EFCAB12: variants seen among roughly 807,000 people sequenced by gnomAD.
EFCAB12 encodes EF-hand calcium-binding domain-containing protein 12.
Under a neutral mutation model 53.6 loss-of-function variants are expected in EFCAB12, and 43 were observed. The ratio of observed to expected loss-of-function variants is 0.80; its 90% CI spans 0.63 to 1.03. The LOEUF (loss-of-function observed/expected upper bound fraction) is 1.03. EFCAB12 is among the 50% of genes least tolerant of loss of function. EFCAB12 has a pLI of 0.00. For missense variants in EFCAB12, 646 were observed against 730.6 expected, an observed-to-expected ratio of 0.88 and a Z score of 1.34; for synonymous variants, 269 against 289.2, an observed-to-expected ratio of 0.93 and a Z score of 0.71.
At chr3:129,417,287 C>T (rs1212232391) in intron 3 of EFCAB12, among the ~76,000 whole-genome samples, 55 of 143,162 alleles carry the variant, frequency 3.8e-4, no homozygotes, top group Middle Eastern at 3.6e-3. Context: ...ATCGCACCAC[C>T]GCACTCCAGC....
chr3:129,405,583 A>G (rs2071938527), intron 6 of EFCAB12, among the ~76,000 whole-genome samples: 1 of 152,238 alleles, frequency 6.6e-6, no homozygotes, highest in Non-Finnish European at 1.5e-5. Flanking sequence ...AATTCAAATG[A>G]GCAAGTATTA....
chr3:129,428,505 G>A lies in EFCAB12; in HGVS notation c.-17C>T, dbSNP rs755176789. The A allele has an allele frequency of 1.2e-6, 2 of 1,610,348 alleles. No homozygotes were observed. The highest frequency in any genetic ancestry group is 3.4e-5 in the Admixed American group (2 of 59,488). On this transcript the variant is annotated 5_prime_UTR_variant, in exon 1 of 9. Transcript: ENST00000505956. ...GTCGTCCATGGTCGTGGTGCTGGGA[G>A]GGGGTGCTGAAGGGCGTGTGTGAAT... is the stretch of plus-strand genomic sequence containing the variant.
At chr3:129,416,404 C>T (rs559348008) in intron 3 of EFCAB12, among the ~76,000 whole-genome samples, 44 of 150,624 alleles carry the variant, frequency 2.9e-4, no homozygotes, top group Non-Finnish European at 5.3e-4. Context: ...GTGACAAGAA[C>T]GAAGCTCCGT....
At chr3:129,406,816 T>TG (rs200032565) in intron 6 of EFCAB12, among the ~76,000 whole-genome samples, 13 of 149,902 alleles carry the variant, frequency 8.7e-5, no homozygotes, top group African/African-American at 3.2e-4. Context: ...ATGTGACCGT[T>TG]GGAGGGGGGA....
At chr3:129,427,645 G>A (rs572622160) in intron 1 of EFCAB12, among the ~76,000 whole-genome samples, 2 of 152,232 alleles carry the variant, frequency 1.3e-5, no homozygotes, top group East Asian at 1.9e-4. Context: ...CTGGAGAAGC[G>A]GCATGGAGAA....
In EFCAB12 at chr3:129,415,298, T is replaced by C. The variant is rs773183654; in HGVS notation, c.785A>G (p.Tyr262Cys). 14 of 1,612,984 alleles carry C rather than the reference T, an allele frequency of 8.7e-6. No homozygotes were observed. Among genetic ancestry groups the C allele is most frequent in the East Asian group, 4.5e-5 (2 of 44,860 alleles). Reference protein sequence around the residue: ...TITMDILANTYKQWSMAQQRS... With the variant: ...TITMDILANTCKQWSMAQQRS... ...TTGCTGAGCCATAGACCACTGCTTGTAGGTATTGGCCAGGATATCCATGGT... is the reference window on the plus strand; with the variant it reads ...TTGCTGAGCCATAGACCACTGCTTGCAGGTATTGGCCAGGATATCCATGGT... Residue 262 changes from tyrosine (Y) to cysteine (C), a missense_variant, in exon 4 of 9, where the codon TAC (tyrosine) becomes TGC (cysteine). Transcript: ENST00000505956.
intron 3 of EFCAB12, among the ~76,000 whole-genome samples, chr3:129,417,093 G>A (rs371953729): frequency 6.6e-6 from 1 of 152,108 alleles, no homozygotes; most frequent in African/African-American, 2.4e-5. Context: ...TTGGGAGGCT[G>A]AGGCAGGTGG....
chr3:129,428,416 C>A (rs2072296400), intron 1 of EFCAB12, 24 bp downstream of exon 1: 1 of 1,597,446 alleles, frequency 6.3e-7, no homozygotes, highest in Non-Finnish European at 8.5e-7. Context: ...GCGCTCCCTG[C>A]AGACGCTTCT....
At chr3:129,426,959 T>C (rs2107744434) in intron 1 of EFCAB12, among the ~76,000 whole-genome samples, 1 of 149,978 alleles carries the variant, frequency 6.7e-6, no homozygotes, top group African/African-American at 2.5e-5. Flanking sequence ...GCCATTCTCC[T>C]GCCTCAGCCT....
intron 3 of EFCAB12, among the ~76,000 whole-genome samples, chr3:129,416,668 A>G (rs1277060050): frequency 1.3e-5 from 2 of 152,148 alleles, no homozygotes; most frequent in African/African-American, 4.8e-5. Flanking sequence ...GGTTTCTTTT[A>G]AGTTGAGATC....
At chr3:129,402,270 C>T (rs2071882854) in intron 8 of EFCAB12, among the ~76,000 whole-genome samples, 1 of 152,204 alleles carries the variant, frequency 6.6e-6, no homozygotes, top group Non-Finnish European at 1.5e-5. Flanking sequence ...CTGTCTGTGC[C>T]TCAGTTTCCT....
At chr3:129,422,616 A>G (rs1479411895) in intron 1 of EFCAB12, among the ~76,000 whole-genome samples, 1 of 152,090 alleles carries the variant, frequency 6.6e-6, no homozygotes, top group Non-Finnish European at 1.5e-5. Context: ...TCCAGGTCCC[A>G]TCTTTGCATC....
intron 6 of EFCAB12, among the ~76,000 whole-genome samples, chr3:129,405,126 G>A (rs1313506219): frequency 6.6e-6 from 1 of 152,156 alleles, no homozygotes; most frequent in Non-Finnish European, 1.5e-5. Context: ...ACTTGGATTT[G>A]TTTGGTGGCA....
intron 1 of EFCAB12, 52 bp downstream of exon 1, chr3:129,428,388 G>T: frequency 6.4e-7 from 1 of 1,567,018 alleles, no homozygotes; most frequent in Non-Finnish European, 8.7e-7. Flanking sequence ...CCACTTTCAC[G>T]CGTCCTTAGG....
At chr3:129,410,173 A>AT (rs1283388837) in intron 5 of EFCAB12, among the ~76,000 whole-genome samples, 5 of 151,990 alleles carry the variant, frequency 3.3e-5, no homozygotes, top group Admixed American at 1.3e-4. Context: ...ATGCTGGCTA[A>AT]TTTTTTAAAA....
At position 129,411,329 on chromosome 3, in the gene EFCAB12, ATC is replaced by A. The variant is rs1201619890; in HGVS notation, c.862_863del (p.Asp288PhefsTer80). The A allele has an allele frequency of 2.5e-6, 4 of 1,594,108 alleles. No homozygotes were observed. In the South Asian group the frequency reaches 3.4e-5, roughly 13 times the overall value. ...GCTTCTTGAGCGGACCCTTCAGGGA[ATC>A]TCTGTGCTTGGCCAAGATATAATCT... ...REHYILAKHR[D>X]SLKGPLKKQE... is the part of the protein sequence containing the mutation. On this transcript the variant is annotated frameshift_variant, in exon 5 of 9. Transcript: ENST00000505956. LOFTEE classifies it high-confidence loss of function.
intron 3 of EFCAB12, among the ~76,000 whole-genome samples, chr3:129,416,217 G>A (rs1375462869): frequency 6.6e-6 from 1 of 151,994 alleles, no homozygotes; most frequent in African/African-American, 2.4e-5. Context: ...CCAGGAGTTC[G>A]AGACCAGACT....
At chr3:129,426,424 G>A (rs1177318124) in intron 1 of EFCAB12, among the ~76,000 whole-genome samples, 1 of 144,694 alleles carries the variant, frequency 6.9e-6, no homozygotes, top group Admixed American at 7.1e-5. Context: ...AAGTGCAGTG[G>A]CACGATCTCG....
intron 1 of EFCAB12, among the ~76,000 whole-genome samples, chr3:129,422,974 G>A (rs1425122043): frequency 6.6e-6 from 1 of 152,134 alleles, no homozygotes; most frequent in South Asian, 2.1e-4. Context: ...TTCCTGACTG[G>A]AGCCCTGACA....
Sources: gnomAD v4.1 joint callset for allele counts (sites outside exome capture counted in the v4.1 genomes callset) on GRCh38, gnomAD v4.1.1 for gene constraint, MANE v1.5 for transcripts, NCBI Gene and HGNC (gene_info 2026-07-23, HGNC 2026-07-21) for gene names.